The following CFAP107 variants were observed in gnomAD, a reference collection of about 807,000 sequenced individuals.
CFAP107 encodes cilia and flagella associated protein 107, also known as cilia- and flagella-associated protein 107.
chr1:12,760,232 A>G, the CFAP107 span, among the ~76,000 whole-genome samples: 1 of 152,326 alleles, frequency 6.6e-6, no homozygotes, highest in East Asian at 1.9e-4. Context: ...CCACAATCCC[A>G]AGACTTGGAA....
the CFAP107 span, chr1:12,761,006 C>A: frequency 6.8e-7 from 1 of 1,480,644 alleles, no homozygotes; most frequent in South Asian, 1.3e-5. Flanking sequence ...CACAGCATCA[C>A]TGGACTTGCC....
the CFAP107 span, among the ~76,000 whole-genome samples, chr1:12,752,585 AAT>A: frequency 7.0e-6 from 1 of 143,700 alleles, no homozygotes; most frequent in South Asian, 2.2e-4. Flanking sequence ...AAAAAAAATT[AAT>A]ATATAAAAAT....
chr1:12,757,597 G>T, the CFAP107 span, among the ~76,000 whole-genome samples: 1 of 152,064 alleles, frequency 6.6e-6, no homozygotes, highest in Non-Finnish European at 1.5e-5. Context: ...TGTTGGTCAG[G>T]CTAGTCCTGA....
the CFAP107 span, chr1:12,761,427 C>T: frequency 6.5e-6 from 1 of 153,248 alleles, no homozygotes; most frequent in South Asian, 2.1e-4. Flanking sequence ...CCCAGCTTGT[C>T]TGTCATTGCC....
At chr1:12,761,100 G>A in the CFAP107 span, 3 of 709,290 alleles carry the variant, frequency 4.2e-6, no homozygotes, top group Non-Finnish European at 6.7e-6. Flanking sequence ...GCATTTGGCG[G>A]TACCTGTCCC....
the CFAP107 span, among the ~76,000 whole-genome samples, chr1:12,751,958 T>C: frequency 6.6e-6 from 1 of 152,148 alleles, no homozygotes; most frequent in Non-Finnish European, 1.5e-5. Flanking sequence ...AGAGATTGAA[T>C]TAGTAACCAA....
At chr1:12,757,096 A>G in the CFAP107 span, among the ~76,000 whole-genome samples, 1 of 152,166 alleles carries the variant, frequency 6.6e-6, no homozygotes, top group Non-Finnish European at 1.5e-5. Flanking sequence ...TAACATAAAC[A>G]AGTCAAAGTT....
the CFAP107 span, chr1:12,755,929 A>G: frequency 1.5e-6 from 1 of 676,654 alleles, no homozygotes; most frequent in South Asian, 1.9e-5. Context: ...GAGTAGTCTC[A>G]TTAATACCCT....
At chr1:12,756,504 C>A in the CFAP107 span, among the ~76,000 whole-genome samples, 1 of 152,326 alleles carries the variant, frequency 6.6e-6, no homozygotes, top group South Asian at 2.1e-4. Context: ...TCCCAGCAGG[C>A]ACAGCCTGGG....
At chr1:12,750,154 G>T in the CFAP107 span, among the ~76,000 whole-genome samples, 1 of 152,104 alleles carries the variant, frequency 6.6e-6, no homozygotes, top group African/African-American at 2.4e-5. Flanking sequence ...TCAGTTGGTC[G>T]CAATTTAAAA....
the CFAP107 span, among the ~76,000 whole-genome samples, chr1:12,758,965 CT>C: frequency 1.3e-5 from 2 of 152,148 alleles, no homozygotes; most frequent in Non-Finnish European, 2.9e-5. Context: ...ACAAATCAGG[CT>C]GCAATTTCAG....
chr1:12,753,005 T>C, the CFAP107 span, among the ~76,000 whole-genome samples: 1 of 152,292 alleles, frequency 6.6e-6, no homozygotes, highest in East Asian at 1.9e-4. Flanking sequence ...CATGCACCCA[T>C]ACACAAACTG....
the CFAP107 span, among the ~76,000 whole-genome samples, chr1:12,749,609 C>T: frequency 6.6e-6 from 1 of 151,434 alleles, no homozygotes; most frequent in African/African-American, 2.4e-5. Context: ...AGAGTGAGGC[C>T]CTGTCTTAAA....
chr1:12,748,753 T>C, the CFAP107 span, among the ~76,000 whole-genome samples: 2 of 152,066 alleles, frequency 1.3e-5, no homozygotes, highest in African/African-American at 4.8e-5. Context: ...AGCATCAAGG[T>C]ACTAGTCAAA....
chr1:12,756,437 T>TG, the CFAP107 span, among the ~76,000 whole-genome samples: 184 of 152,324 alleles, frequency 1.2e-3, 2 homozygotes, highest in African/African-American at 4.2e-3. Context: ...GCTGAGATCC[T>TG]GGCCCTTCCA....
chr1:12,752,312 T>C, the CFAP107 span, among the ~76,000 whole-genome samples: 2 of 152,092 alleles, frequency 1.3e-5, no homozygotes, highest in African/African-American at 4.8e-5. Context: ...GGGCTGGGCA[T>C]AGTGGCTCAT....
the CFAP107 span, chr1:12,746,634 G>A: frequency 2.4e-5 from 21 of 861,220 alleles, no homozygotes; most frequent in African/African-American, 2.0e-4. Flanking sequence ...ATGGAGGGCA[G>A]CAGATGATTG....
the CFAP107 span, among the ~76,000 whole-genome samples, chr1:12,748,629 T>C: frequency 6.6e-6 from 1 of 152,004 alleles, no homozygotes; most frequent in Non-Finnish European, 1.5e-5. Context: ...TACTGGAAGA[T>C]TTGGCTGCTT....
At chr1:12,762,592 A>G in the CFAP107 span, 1 of 152,600 alleles carries the variant, frequency 6.6e-6, no homozygotes, top group Non-Finnish European at 1.5e-5. Context: ...GCTGCAGGAG[A>G]CAGCTGTGGG....
Sources: allele counts gnomAD v4.1 joint callset (sites outside exome capture counted in the v4.1 genomes callset), GRCh38; gene constraint gnomAD v4.1.1; transcripts MANE v1.5; gene names NCBI Gene and HGNC (gene_info 2026-07-23, HGNC 2026-07-21).